MRC1: variants seen among roughly 807,000 people sequenced by gnomAD.
The protein encoded by MRC1 is macrophage mannose receptor 1.
A neutral mutation model predicts 102.9 loss-of-function variants in MRC1; 62 were observed. That is an observed-to-expected ratio of 0.60 (90% CI 0.49 to 0.74). The LOEUF (loss-of-function observed/expected upper bound fraction) is 0.74. Among genes scored for constraint, MRC1 ranks in the 30% least tolerant of loss-of-function variants. The pLI, the probability that MRC1 is intolerant of heterozygous loss-of-function variation, is 0.00. For missense variants in MRC1, 1,237 were observed against 862.8 expected, an observed-to-expected ratio of 1.43 and a Z score of -5.43; for synonymous variants, 457 against 298.4, an observed-to-expected ratio of 1.53 and a Z score of -5.48.
intron 26 of MRC1, among the ~76,000 whole-genome samples, chr10:17,903,967 AT>A (rs1833864187): frequency 6.6e-6 from 1 of 152,034 alleles, no homozygotes; most frequent in Admixed American, 6.5e-5. Flanking sequence ...AAAGAAAAAA[AT>A]CTGGTTCATA....
intron 1 of MRC1, among the ~76,000 whole-genome samples, chr10:17,810,297 G>C (rs891236800): frequency 1.3e-5 from 2 of 152,072 alleles, no homozygotes; most frequent in African/African-American, 2.4e-5. Flanking sequence ...GTTCTATTTG[G>C]AGATGATTTA....
At chr10:17,854,736 T>C in intron 8 of MRC1, 1 of 231,350 alleles carries the variant, frequency 4.3e-6, no homozygotes, top group Non-Finnish European at 8.7e-6. Flanking sequence ...CTGCCCAGGC[T>C]GGAGTGCAAT....
chr10:17,858,449 T>C (rs1833127459), intron 9 of MRC1, among the ~76,000 whole-genome samples: 1 of 152,278 alleles, frequency 6.6e-6, no homozygotes, highest in Non-Finnish European at 1.5e-5. Flanking sequence ...TACATGTGCC[T>C]AGATCTGGAA....
intron 5 of MRC1, among the ~76,000 whole-genome samples, chr10:17,841,739 CA>C (rs1838754213): frequency 7.0e-6 from 1 of 141,986 alleles, no homozygotes; most frequent in East Asian, 2.0e-4. Flanking sequence ...ACCCCAGTGC[CA>C]TTTTTTTTTT....
intron 22 of MRC1, among the ~76,000 whole-genome samples, chr10:17,886,453 A>T (rs1446671844): frequency 6.6e-6 from 1 of 151,560 alleles, no homozygotes; most frequent in Non-Finnish European, 1.5e-5. Context: ...CCCAGGCTGG[A>T]GTGCAGTGGC....
intron 7 of MRC1, among the ~76,000 whole-genome samples, chr10:17,850,340 C>G (rs1456971349): frequency 6.7e-6 from 1 of 149,800 alleles, no homozygotes; most frequent in Non-Finnish European, 1.5e-5. Flanking sequence ...TGGCTCATGC[C>G]TGTAATCCCA....
In MRC1 at chr10:17,813,599, A is replaced by T. The variant is rs1046743988; in HGVS notation, c.61+4073A>T. ...GTGTTTGTATCTAGAAGGCTGAGCT[A>T]ACTTTTATGCTTTGGAACATAGGGC... On this transcript the variant is annotated intron_variant, in intron 1 of 29. Coordinates refer to ENST00000569591, the MANE Select transcript of MRC1 (RefSeq NM_002438.4). 4.7e-5 allele frequency among the ~76,000 whole-genome samples: 7 copies of T among 150,056 alleles called. 1 individual carries two copies. The highest frequency in any genetic ancestry group is 1.7e-4 in the African/African-American group (7 of 41,060).
At chr10:17,827,968 A>G (rs1164051657) in intron 3 of MRC1, among the ~76,000 whole-genome samples, 1 of 152,218 alleles carries the variant, frequency 6.6e-6, no homozygotes, top group Non-Finnish European at 1.5e-5. Context: ...TGATTTTGCC[A>G]GTAAGACTAG....
chr10:17,812,537 G>A (rs1838239678), intron 1 of MRC1, among the ~76,000 whole-genome samples: 1 of 151,432 alleles, frequency 6.6e-6, no homozygotes, highest in South Asian at 2.1e-4. Flanking sequence ...GCCCCTGGGG[G>A]CAGAGTTGGG....
At chr10:17,886,458 A>G (rs1270759093) in intron 22 of MRC1, among the ~76,000 whole-genome samples, 3 of 151,896 alleles carry the variant, frequency 2.0e-5, no homozygotes. Flanking sequence ...GCTGGAGTGC[A>G]GTGGCATGAT....
chr10:17,904,456 C>T (rs939526133), intron 26 of MRC1, among the ~76,000 whole-genome samples: 2 of 152,098 alleles, frequency 1.3e-5, no homozygotes, highest in South Asian at 2.1e-4. Flanking sequence ...GCTTGCTGGA[C>T]GCCATGGTTT....
intron 10 of MRC1, 74 bp downstream of exon 10, chr10:17,861,576 A>G: frequency 2.6e-6 from 2 of 759,332 alleles, no homozygotes; most frequent in Non-Finnish European, 4.8e-6. Context: ...AAGTATCAAC[A>G]TGCTCTAAAT....
At chr10:17,887,245 G>T (rs1200574309) in intron 22 of MRC1, among the ~76,000 whole-genome samples, 1 of 152,110 alleles carries the variant, frequency 6.6e-6, no homozygotes, top group Admixed American at 6.5e-5. Context: ...AAAAAAATTA[G>T]CCGGGCGTGG....
At position 17,833,706 on chromosome 10, in the gene MRC1, C is replaced by T; in HGVS notation, c.669C>T (p.Asp223=). ...FEGSESLWNK[D]PLTSVSYQIN... ...GCAGTGAAAGCTTATGGAATAAAGA[C>T]CCGCTGACCAGCGTTTCCTACCAGA... Residue 223 remains aspartate (D), a synonymous_variant, in exon 4 of 30, where the codon GAC becomes GAT. Coordinates refer to ENST00000569591, the MANE Select transcript of MRC1 (RefSeq NM_002438.4). 1 of 780,968 alleles carries T rather than the reference C, an allele frequency of 1.3e-6. No homozygotes were observed. The highest frequency in any genetic ancestry group is 1.7e-5 in the African/African-American group (1 of 59,204). 48.4% of individuals were successfully genotyped at this position (780,968 alleles called of 1,614,324 possible). A position where few individuals can be genotyped will look rare whatever the true frequency, so the allele number is the denominator to read the frequency against.
chr10:17,822,865 C>T (rs1242474944), intron 1 of MRC1, among the ~76,000 whole-genome samples: 4 of 152,224 alleles, frequency 2.6e-5, no homozygotes, highest in Non-Finnish European at 5.9e-5. Context: ...CTTGGCAGGC[C>T]CTCAGTCCAG....
At chr10:17,890,127 T>C (rs1564624533) in intron 22 of MRC1, among the ~76,000 whole-genome samples, 1 of 152,208 alleles carries the variant, frequency 6.6e-6, no homozygotes, top group Non-Finnish European at 1.5e-5. Flanking sequence ...CTTTCAGCAC[T>C]TTAAATATTG....
intron 22 of MRC1, among the ~76,000 whole-genome samples, chr10:17,887,646 AAAAC>A (rs1313076558): frequency 1.3e-5 from 2 of 152,226 alleles, no homozygotes; most frequent in Admixed American, 6.5e-5. Context: ...AGAAACAATA[AAAAC>A]AAACTAACAA....
intron 3 of MRC1, among the ~76,000 whole-genome samples, chr10:17,832,743 A>G (rs1038393065): frequency 1.3e-5 from 2 of 150,180 alleles, no homozygotes; most frequent in South Asian, 2.1e-4. Flanking sequence ...GCCCGCCACC[A>G]CGCCCGGCTA....
chr10:17,863,499 A>G, intron 10 of MRC1, 35 bp from the exon 11 acceptor site: 1 of 780,338 alleles, frequency 1.3e-6, no homozygotes, highest in Non-Finnish European at 2.4e-6. Flanking sequence ...AAATGTTTCA[A>G]AAACTTAATT....
Sources: allele counts gnomAD v4.1 joint callset (sites outside exome capture counted in the v4.1 genomes callset), GRCh38; gene constraint gnomAD v4.1.1; transcripts MANE v1.5; gene names NCBI Gene and HGNC (gene_info 2026-07-23, HGNC 2026-07-21).